The following ATF3 variants were observed in gnomAD, a reference collection of about 807,000 sequenced individuals.
ATF3 encodes cyclic AMP-dependent transcription factor ATF-3.
A neutral mutation model predicts 18.4 loss-of-function variants in ATF3; 10 were observed. The ratio of observed to expected loss-of-function variants is 0.54; its 90% CI spans 0.34 to 0.92. The LOEUF is 0.92. Ranked by LOEUF, ATF3 falls within the 40% of genes least tolerant of loss-of-function variation. The pLI is 0.02. For missense variants in ATF3, 183 were observed against 222.3 expected (o/e 0.82, Z 1.12); for synonymous variants, 78 against 87.9 (o/e 0.89, Z 0.63).
intron 1 of ATF3, among the ~76,000 whole-genome samples, chr1:212,567,006 A>G (rs1386550918): frequency 2.0e-5 from 3 of 152,216 alleles, no homozygotes; most frequent in African/African-American, 7.2e-5. Flanking sequence ...ACATAAACAG[A>G]TTAACCTAGG....
At chr1:212,605,330 TA>T (rs1248790166), upstream of ATF3, among the ~76,000 whole-genome samples, 1 of 152,220 alleles carries the variant, frequency 6.6e-6, no homozygotes, top group Non-Finnish European at 1.5e-5. Flanking sequence ...TGGACACTAT[TA>T]AACTAGCAAT....
chr1:212,618,752 G>T lies in ATF3; in HGVS notation c.348+518G>T. ...GCTGAGCCCCTGGCTGCGTTCAGCCGGCCCGCCTGAGAGACACTAGGGGAA... is the reference window on the plus strand; with the variant it reads ...GCTGAGCCCCTGGCTGCGTTCAGCCTGCCCGCCTGAGAGACACTAGGGGAA... On this transcript the variant is annotated intron_variant, in intron 3 of 3. Coordinates refer to ENST00000341491, the MANE Select transcript of ATF3 (RefSeq NM_001674.4). The surrounding 1 kb of genome is among the most constrained non-coding windows in gnomAD (Gnocchi z 4.4). 2.0e-6 allele frequency: 1 copy of T among 507,706 alleles called. No individual in the cohort carries two copies. The highest frequency in any genetic ancestry group is 3.6e-6 in the Non-Finnish European group (1 of 280,334). The allele number at this position is 507,706 out of a possible 1,614,324, so 31.5% of individuals were successfully genotyped here. A position where few individuals can be genotyped will look rare whatever the true frequency, so the allele number is the denominator to read the frequency against.
At chr1:212,600,997 G>T (rs898656005) in intron 1 of ATF3, among the ~76,000 whole-genome samples, 2 of 152,022 alleles carry the variant, frequency 1.3e-5, no homozygotes, top group Non-Finnish European at 2.9e-5. Context: ...CTCTTATATT[G>T]TCCTTGTAAC....
upstream of ATF3, among the ~76,000 whole-genome samples, chr1:212,603,904 A>G (rs1454703187): frequency 6.6e-6 from 1 of 152,134 alleles, no homozygotes; most frequent in Non-Finnish European, 1.5e-5. Context: ...AGCAAATTTC[A>G]AAGGTGCATG....
At chr1:212,593,400 C>T (rs982275241) in intron 1 of ATF3, among the ~76,000 whole-genome samples, 4 of 151,580 alleles carry the variant, frequency 2.6e-5, no homozygotes, top group African/African-American at 9.7e-5. Context: ...TGTAGCAAAA[C>T]TGCACATTGT....
At chr1:212,593,481 C>A (rs1281294840) in intron 1 of ATF3, among the ~76,000 whole-genome samples, 1 of 151,412 alleles carries the variant, frequency 6.6e-6, no homozygotes, top group Non-Finnish European at 1.5e-5. Context: ...ATACCTGTAA[C>A]CATAGCACTT....
chr1:212,614,784 C>G (rs1177801778), intron 1 of ATF3, among the ~76,000 whole-genome samples: 3 of 152,134 alleles, frequency 2.0e-5, no homozygotes, highest in African/African-American at 4.8e-5. Context: ...GAAACATCAT[C>G]CCTTATAAAT....
intron 1 of ATF3, among the ~76,000 whole-genome samples, chr1:212,567,875 T>G (rs558922596): frequency 1.3e-5 from 2 of 152,126 alleles, no homozygotes; most frequent in Non-Finnish European, 2.9e-5. Context: ...TATTTAGACC[T>G]CAGGAGAGAA....
At chr1:212,587,998 C>T (rs1393918359) in intron 1 of ATF3, among the ~76,000 whole-genome samples, 3 of 152,038 alleles carry the variant, frequency 2.0e-5, no homozygotes, top group Non-Finnish European at 2.9e-5. Flanking sequence ...CTGTGAGACT[C>T]AGCATGTGGG....
chr1:212,619,658 A>C lies in ATF3; in HGVS notation c.*103A>C. 1.4e-6 allele frequency: 2 copies of C among 1,472,730 alleles called. No homozygotes were observed. The highest frequency in any genetic ancestry group is 1.9e-6 in the Non-Finnish European group (2 of 1,079,886). 91.2% of individuals were successfully genotyped at this position (1,472,730 alleles called of 1,614,324 possible). On this transcript the variant is annotated 3_prime_UTR_variant, in exon 4 of 4. Transcript: ENST00000341491. This position sits in a 1 kb window ranked among gnomAD's most constrained non-coding sequence, Gnocchi z 4.4. Reference sequence around the variant, plus strand: ...AGCTGTCTTCCTGTGTACCTCTAGAATCCCAGCAGCAGAGAACCATCAAGG... The same window carrying C: ...AGCTGTCTTCCTGTGTACCTCTAGACTCCCAGCAGCAGAGAACCATCAAGG...
In ATF3 at chr1:212,608,849, GT is replaced by G. The variant is rs1654740148; in HGVS notation, c.-85del. The G allele has an allele frequency of 1.3e-5, 2 of 152,760 alleles. No individual in the cohort carries two copies. The highest frequency in any genetic ancestry group is 4.1e-4 in the South Asian group (2 of 4,848). The allele number at this position is 152,760 out of a possible 1,614,324, so 9.5% of individuals were successfully genotyped here. A position where few individuals can be genotyped will look rare whatever the true frequency, so the allele number is the denominator to read the frequency against. On this transcript the variant is annotated 5_prime_UTR_variant, in exon 1 of 4. Transcript: ENST00000341491. ...CCTTCAGCCCGCGCGCCGGCCGTGAGTCCTCGGTGCTCGCCCGCCGGCCAGA... is the reference window on the plus strand; with the variant it reads ...CCTTCAGCCCGCGCGCCGGCCGTGAGCCTCGGTGCTCGCCCGCCGGCCAGA...
chr1:212,615,675 T>G (rs1310654907), intron 2 of ATF3, among the ~76,000 whole-genome samples: 1 of 151,662 alleles, frequency 6.6e-6, no homozygotes, highest in Non-Finnish European at 1.5e-5. Flanking sequence ...AGGTGGTACA[T>G]GGCCTATAGT....
intron 1 of ATF3, among the ~76,000 whole-genome samples, chr1:212,589,679 G>A (rs546942475): frequency 2.5e-4 from 33 of 132,274 alleles, no homozygotes; most frequent in Non-Finnish European, 3.5e-4. Flanking sequence ...GTGAGACACC[G>A]TCTCAAAAAA....
At chr1:212,606,959 G>A (rs1654644862), upstream of ATF3, among the ~76,000 whole-genome samples, 1 of 152,102 alleles carries the variant, frequency 6.6e-6, no homozygotes, top group South Asian at 2.1e-4. Flanking sequence ...TTACCAGGGC[G>A]AAAAGTAAAG....
chr1:212,566,869 A>C (rs1380064793), intron 1 of ATF3, among the ~76,000 whole-genome samples: 4 of 152,130 alleles, frequency 2.6e-5, no homozygotes, highest in African/African-American at 9.7e-5. Context: ...TTCCTGGGAA[A>C]GTAAAACCTC....
At chr1:212,578,320 G>A (rs917351203) in intron 1 of ATF3, among the ~76,000 whole-genome samples, 4 of 152,126 alleles carry the variant, frequency 2.6e-5, no homozygotes, top group Non-Finnish European at 4.4e-5. Context: ...CTTGCTGTCA[G>A]ACTAATTTTT....
At chr1:212,585,192 G>A (rs1047585500) in intron 1 of ATF3, among the ~76,000 whole-genome samples, 1 of 152,220 alleles carries the variant, frequency 6.6e-6, no homozygotes, top group African/African-American at 2.4e-5. Flanking sequence ...GGGGTGAAAG[G>A]TGAGCGGGGC....
intron 1 of ATF3, among the ~76,000 whole-genome samples, chr1:212,612,252 C>T (rs970533807): frequency 9.8e-5 from 15 of 152,320 alleles, no homozygotes; most frequent in African/African-American, 3.1e-4. Flanking sequence ...TGACATTCTT[C>T]AGCTTCTTTC....
At chr1:212,601,403 GGT>G (rs760356474) in intron 1 of ATF3, among the ~76,000 whole-genome samples, 8 of 152,178 alleles carry the variant, frequency 5.3e-5, no homozygotes, top group Non-Finnish European at 1.0e-4. Flanking sequence ...GCAAGACTTT[GGT>G]AAAGCGAGGG....
Sources: allele counts gnomAD v4.1 joint callset (sites outside exome capture counted in the v4.1 genomes callset), GRCh38; gene constraint gnomAD v4.1.1; non-coding constraint Gnocchi (gnomAD v3.1); transcripts MANE v1.5; gene names NCBI Gene and HGNC (gene_info 2026-07-23, HGNC 2026-07-21).